RFLNA: variants seen among roughly 807,000 people sequenced by gnomAD.
RFLNA encodes refilin A.
A neutral mutation model predicts 7.8 loss-of-function variants in RFLNA; 5 were observed. The observed-to-expected ratio is 0.64, with a 90% confidence interval of 0.34 to 1.35. The LOEUF is 1.35. Among genes scored for constraint, RFLNA ranks in the 40% most tolerant of loss-of-function variants. The pLI is 0.04. For synonymous variants in RFLNA, 141 were observed against 131.3 expected, an observed-to-expected ratio of 1.07 and a Z score of -0.50; for missense variants, 278 against 305.5, an observed-to-expected ratio of 0.91 and a Z score of 0.67.
intron 2 of RFLNA, among the ~76,000 whole-genome samples, 181 bp downstream of exon 2, chr12:124,312,108 A>C (rs1324981393): frequency 6.6e-6 from 1 of 151,982 alleles, no homozygotes; most frequent in African/African-American, 2.4e-5. Context: ...TTAGCCACAG[A>C]CAAAACTGAT....
chr12:124,305,455 A>C (rs541900188), intron 1 of RFLNA, among the ~76,000 whole-genome samples: 1 of 152,338 alleles, frequency 6.6e-6, no homozygotes, highest in South Asian at 2.1e-4. Flanking sequence ...CCAATTACCA[A>C]ACACAGAGTG....
chr12:124,304,243 T>G (rs1474277573), intron 1 of RFLNA, among the ~76,000 whole-genome samples: 2 of 152,180 alleles, frequency 1.3e-5, no homozygotes, highest in East Asian at 3.9e-4. Flanking sequence ...GCCCTGCAGC[T>G]CCGCGGGAGT....
intron 1 of RFLNA, among the ~76,000 whole-genome samples, chr12:124,296,126 C>CTTTCTTTCTTTCTTTTTCTTTCTT (rs1566320083): frequency 6.6e-4 from 1 of 1,520 alleles, no homozygotes; most frequent in Non-Finnish European, 2.4e-3. Flanking sequence ...CTTTCTTTCT[C>CTTTCTTTCTTTCTTTTTCTTTCTT]TCTCTCTCTC....
chr12:124,309,582 T>C (rs1238083729), intron 1 of RFLNA, among the ~76,000 whole-genome samples: 1 of 152,234 alleles, frequency 6.6e-6, no homozygotes, highest in Admixed American at 6.5e-5. Context: ...ACCTCAGTGA[T>C]GAACAAGCTA....
chr12:124,314,496 C>T lies in RFLNA; in HGVS notation c.622C>T (p.Pro208Ser). 2 of 1,593,470 alleles carry T rather than the reference C, an allele frequency of 1.3e-6. No individual in the cohort carries two copies. The highest frequency in any genetic ancestry group is 1.7e-6 in the Non-Finnish European group (2 of 1,177,070). ...GCTGCAGCTTTGCCAGGACCCTGCC[C>T]CCAGCCTCCTGGGCCCTGCCACGCT... Reference protein sequence around the residue: ...VQLQLCQDPAPSLLGPATL With the variant: ...VQLQLCQDPASSLLGPATL The change falls in exon 3 of 3, where the codon CCC becomes TCC. Residue 208 changes from proline to serine, a missense_variant. By Grantham distance (74) the Pro-to-Ser change is moderately conservative (BLOSUM62 -1). Transcript: ENST00000546355.
chr12:124,305,608 G>A (rs1028508715), intron 1 of RFLNA, among the ~76,000 whole-genome samples: 3 of 152,162 alleles, frequency 2.0e-5, no homozygotes, highest in African/African-American at 4.8e-5. Flanking sequence ...AGAGGGGCCC[G>A]TGCTCCTTGG....
rs371624766 is a variant in RFLNA, at chr12:124,314,382, A to T, written c.508A>T (p.Ile170Phe). The T allele has an allele frequency of 6.8e-6, 11 of 1,611,844 alleles. No individual in the cohort carries two copies. In the South Asian group the frequency reaches 1.2e-4, roughly 18 times the overall value. The change falls in exon 3 of 3, where the codon ATC (isoleucine) becomes TTC (phenylalanine). Residue 170 changes from isoleucine to phenylalanine, a missense_variant. Transcript: ENST00000546355. ...RALRFRSTTI[I>F]FPKHARSTFR... Reference sequence around the variant, plus strand: ...CCTGCGCTTCCGCAGCACCACCATCATCTTCCCCAAGCATGCCAGGAGCAC... The same window carrying T: ...CCTGCGCTTCCGCAGCACCACCATCTTCTTCCCCAAGCATGCCAGGAGCAC...
chr12:124,314,119 G>A, intron 2 of RFLNA, 73 bp from the exon 3 acceptor site: 1 of 1,526,680 alleles, frequency 6.6e-7, no homozygotes, highest in South Asian at 1.3e-5. Context: ...GCCCTTTCGT[G>A]TCCATGCTGA....
chr12:124,303,606 C>T (rs1021825338), intron 1 of RFLNA, among the ~76,000 whole-genome samples: 1 of 152,216 alleles, frequency 6.6e-6, no homozygotes, highest in African/African-American at 2.4e-5. Context: ...AGCACTTGTT[C>T]TCCCCTGTCC....
At chr12:124,303,756 G>A (rs1022040595) in intron 1 of RFLNA, among the ~76,000 whole-genome samples, 2 of 152,166 alleles carry the variant, frequency 1.3e-5, no homozygotes, top group African/African-American at 2.4e-5. Context: ...TGAGCAAACC[G>A]AGGGCAGACG....
At chr12:124,311,161 G>A (rs983622112) in intron 1 of RFLNA, among the ~76,000 whole-genome samples, 1 of 152,232 alleles carries the variant, frequency 6.6e-6, no homozygotes, top group Non-Finnish European at 1.5e-5. Context: ...CATTGGCCCA[G>A]TGTGGGTTAC....
chr12:124,313,749 AGAG>A (rs2034297309), intron 2 of RFLNA, among the ~76,000 whole-genome samples: 2 of 151,760 alleles, frequency 1.3e-5, no homozygotes, highest in South Asian at 2.1e-4. Flanking sequence ...GCCCTATTTG[AGAG>A]GAGATTGGTG....
intron 1 of RFLNA, among the ~76,000 whole-genome samples, chr12:124,308,013 G>A (rs1015316552): frequency 2.8e-5 from 4 of 144,058 alleles, no homozygotes; most frequent in African/African-American, 5.3e-5. Context: ...ACAGAGTCCC[G>A]CTCTGTTGCC....
chr12:124,311,677 GGCTTCCTGATGGGCCCCACCAAGCA>G (rs1355374436), intron 1 of RFLNA, 116 bp from the exon 2 acceptor site: 1 of 726,486 alleles, frequency 1.4e-6, no homozygotes, highest in East Asian at 3.5e-5. Flanking sequence ...CCCACAAAGC[GGCTTCCTGATGGGCCCCACCAAGCA>G]GCTTCCAGAC....
intron 1 of RFLNA, among the ~76,000 whole-genome samples, chr12:124,310,416 A>C (rs2034221888): frequency 6.6e-6 from 1 of 150,724 alleles, no homozygotes; most frequent in Non-Finnish European, 1.5e-5. Flanking sequence ...CCATGTTGGC[A>C]TGAGGAGAGG....
At chr12:124,304,695 G>C (rs941694467) in intron 1 of RFLNA, among the ~76,000 whole-genome samples, 7 of 152,240 alleles carry the variant, frequency 4.6e-5, no homozygotes, top group Non-Finnish European at 7.3e-5. Flanking sequence ...CAGCGCGTGG[G>C]TGGGTAACGG....
Position 124,311,762 on chromosome 12 carries a change from C to G in RFLNA, c.208-56C>G, listed in dbSNP as rs896984609. 76 of 1,443,048 alleles carry G rather than the reference C, an allele frequency of 5.3e-5. No homozygotes were observed. The African/African-American group carries it at 1.1e-3, about 20-fold the overall frequency. The allele number at this position is 1,443,048 out of a possible 1,614,324, so 89.4% of individuals were successfully genotyped here. A position where few individuals can be genotyped will look rare whatever the true frequency, so the allele number is the denominator to read the frequency against. ...GTGGTCCTGTGTGCCCAGCAGGGAG[C>G]TGAGGCCACTGCAACAAGGGGCTGC... On this transcript the variant is annotated intron_variant, in intron 1 of 2. Coordinates refer to ENST00000546355, the MANE Select transcript of RFLNA (RefSeq NM_001365156.1).
chr12:124,315,930 CAG>C lies in RFLNA; in HGVS notation c.*1410_*1411del, dbSNP rs2034342614. On this transcript the variant is annotated 3_prime_UTR_variant, in exon 3 of 3. Coordinates refer to ENST00000546355, the MANE Select transcript of RFLNA (RefSeq NM_001365156.1). ...ACTGATGTATTTTTATGTATCTACACAGAGAGTGCATTTTCTCTCCAGAGATG... is the reference window on the plus strand; with the variant it reads ...ACTGATGTATTTTTATGTATCTACACAGAGTGCATTTTCTCTCCAGAGATG... 1 of 152,266 alleles carries C rather than the reference CAG, an allele frequency of 6.6e-6. No individual in the cohort carries two copies. Among genetic ancestry groups the C allele is most frequent in the Non-Finnish European group, 1.5e-5 (1 of 68,048 alleles). 9.4% of individuals were successfully genotyped at this position (152,266 alleles called of 1,614,324 possible).
chr12:124,310,311 TG>T (rs1400244440), intron 1 of RFLNA, among the ~76,000 whole-genome samples: 2 of 150,302 alleles, frequency 1.3e-5, no homozygotes, highest in Non-Finnish European at 3.0e-5. Flanking sequence ...GGGGTTTTCT[TG>T]GGTTGGTGGA....
Sources: allele counts gnomAD v4.1 joint callset (sites outside exome capture counted in the v4.1 genomes callset), GRCh38; gene constraint gnomAD v4.1.1; transcripts MANE v1.5; gene names NCBI Gene and HGNC (gene_info 2026-07-23, HGNC 2026-07-21).